The following INPP5D variants were observed in gnomAD, a reference collection of about 807,000 sequenced individuals.
The protein encoded by INPP5D is phosphatidylinositol 3,4,5-trisphosphate 5-phosphatase 1.
INPP5D carries 33 observed loss-of-function variants against 122.9 expected under a neutral mutation model. The ratio of observed to expected loss-of-function variants is 0.27; its 90% CI spans 0.20 to 0.36. The LOEUF is 0.36. Ranked by LOEUF, INPP5D falls within the 10% of genes least tolerant of loss-of-function variation. The pLI, the probability that INPP5D is intolerant of heterozygous loss-of-function variation, is 1.00. For synonymous variants in INPP5D, 584 were observed against 576.2 expected (o/e 1.01, Z -0.19); for missense variants, 1,053 against 1,412.7 (o/e 0.75, Z 4.08).
Position 233,170,885 on chromosome 2 carries a change from A to G in INPP5D, c.1901-179A>G, listed in dbSNP as rs1694477440. 7.1e-6 allele frequency among the ~76,000 whole-genome samples: 1 copy of G among 140,290 alleles called. No homozygotes were observed. 92.0% of individuals were successfully genotyped at this position (140,290 alleles called of 152,430 possible). Reference sequence around the variant, plus strand: ...CGCGCCACTGCACTCCAGCCTGGCCAACAAAGACAGACTCCGTCTCAAAAA... The same window carrying G: ...CGCGCCACTGCACTCCAGCCTGGCCGACAAAGACAGACTCCGTCTCAAAAA... On this transcript the variant is annotated intron_variant, in intron 16 of 26. Coordinates refer to ENST00000445964, the MANE Select transcript of INPP5D (RefSeq NM_001017915.3). The surrounding 1 kb of genome is among the most constrained non-coding windows in gnomAD (Gnocchi z 4.5).
chr2:233,129,414 C>T (rs1199912624), intron 4 of INPP5D, among the ~76,000 whole-genome samples: 1 of 152,174 alleles, frequency 6.6e-6, no homozygotes, highest in Non-Finnish European at 1.5e-5. Flanking sequence ...GGAACAAACA[C>T]TCAAGCGTTA....
chr2:233,135,582 T>C lies in INPP5D; in HGVS notation c.666-4260T>C, dbSNP rs1473283892. Among the ~76,000 whole-genome samples, 8 of 151,268 alleles carry C rather than the reference T, an allele frequency of 5.3e-5. No individual in the cohort carries two copies. The East Asian group carries it at 1.5e-3, about 29-fold the overall frequency. ...TACCATAGCTTTAAAATTGTCGACA[T>C]TTAAAATGTTAAATATTTTTAAATA... On this transcript the variant is annotated intron_variant, in intron 5 of 26. Transcript: ENST00000445964.
chr2:233,190,667 A>T (rs1399517398), intron 22 of INPP5D, among the ~76,000 whole-genome samples: 1 of 152,170 alleles, frequency 6.6e-6, no homozygotes, highest in Non-Finnish European at 1.5e-5. Context: ...CTTTTGTACC[A>T]TCTCTGCCTG....
At chr2:233,174,791 CAAAA>C (rs34082998) in intron 17 of INPP5D, among the ~76,000 whole-genome samples, 9 of 96,844 alleles carry the variant, frequency 9.3e-5, no homozygotes, top group African/African-American at 1.7e-4. Flanking sequence ...GACCCTGTCT[CAAAA>C]AAAAAAAAAA....
At chr2:233,083,950 A>T (rs1225503468) in intron 2 of INPP5D, among the ~76,000 whole-genome samples, 1 of 152,148 alleles carries the variant, frequency 6.6e-6, no homozygotes, top group Non-Finnish European at 1.5e-5. Context: ...CCCCTATCAC[A>T]TCAATGTTCT....
chr2:233,068,841 G>C (rs1691301794), intron 1 of INPP5D, among the ~76,000 whole-genome samples: 1 of 152,202 alleles, frequency 6.6e-6, no homozygotes, highest in Non-Finnish European at 1.5e-5. Flanking sequence ...TGATGCCCCT[G>C]TGACGGAGGC....
rs1442549854 is a variant in INPP5D, at chr2:233,197,592, A to G, written c.2694-503A>G. ...ACCCCTCTCACCTGGAGGCCTTTGC[A>G]TGTACTCTTGCCACTGCCGAGAACA... On this transcript the variant is annotated intron_variant, in intron 24 of 26. Transcript: ENST00000445964. The surrounding 1 kb of genome is among the most constrained non-coding windows in gnomAD (Gnocchi z 4.4). 2.0e-5 allele frequency among the ~76,000 whole-genome samples: 3 copies of G among 152,018 alleles called. No homozygotes were observed. Among genetic ancestry groups the G allele is most frequent in the Admixed American group, 6.5e-5 (1 of 15,268 alleles).
intron 2 of INPP5D, among the ~76,000 whole-genome samples, chr2:233,086,120 T>TC (rs1553569182): frequency 5.1e-5 from 1 of 19,646 alleles, no homozygotes; most frequent in Admixed American, 6.0e-4. Context: ...TAAGATAGCC[T>TC]CTTTCTTTCT....
chr2:233,100,582 G>A lies in INPP5D; in HGVS notation c.198+21184G>A, dbSNP rs1191136829. On this transcript the variant is annotated intron_variant, in intron 2 of 26. Coordinates refer to ENST00000445964, the MANE Select transcript of INPP5D (RefSeq NM_001017915.3). The surrounding 1 kb of genome is among the most constrained non-coding windows in gnomAD (Gnocchi z 5.3). ...TCTCAGCATCCCCCATGGACTCATG[G>A]GCACCCCCGGTTGAGCTCGCTCACC... 6.6e-6 allele frequency among the ~76,000 whole-genome samples: 1 copy of A among 152,142 alleles called. No homozygotes were observed.
chr2:233,075,615 GTGTA>G (rs1212303872), intron 1 of INPP5D, among the ~76,000 whole-genome samples: 1 of 152,156 alleles, frequency 6.6e-6, no homozygotes, highest in Admixed American at 6.5e-5. Context: ...GTGTGTGTGT[GTGTA>G]TATAGGACCA....
intron 2 of INPP5D, among the ~76,000 whole-genome samples, chr2:233,121,258 A>G (rs1692966653): frequency 6.6e-6 from 1 of 150,660 alleles, no homozygotes; most frequent in Non-Finnish European, 1.5e-5. Flanking sequence ...CGCCCTCCCA[A>G]GTAGCTGAAA....
At chr2:233,203,937 A>C (rs1268273721) in intron 25 of INPP5D, among the ~76,000 whole-genome samples, 189 bp from the exon 26 acceptor site, 1 of 152,152 alleles carries the variant, frequency 6.6e-6, no homozygotes, top group African/African-American at 2.4e-5. Flanking sequence ...ACAGAGCGAG[A>C]CTCTGTCTCT....
Position 233,164,021 on chromosome 2 carries a change from A to T in INPP5D, c.1437+118A>T. ...GCTCTCAGTTTTCAAGGATGTCTGG[A>T]GGCCCCCACTGAGAGATGCGTCTGT... On this transcript the variant is annotated intron_variant, in intron 12 of 26. Coordinates refer to ENST00000445964, the MANE Select transcript of INPP5D (RefSeq NM_001017915.3). The surrounding 1 kb of genome is among the most constrained non-coding windows in gnomAD (Gnocchi z 4.3). The T allele has an allele frequency of 5.5e-6, 8 of 1,457,538 alleles. No individual in the cohort carries two copies. Among genetic ancestry groups the T allele is most frequent in the Non-Finnish European group, 7.2e-6 (8 of 1,104,148 alleles). 90.3% of individuals were successfully genotyped at this position (1,457,538 alleles called of 1,614,324 possible).
rs373310489 is a variant in INPP5D at position 233,171,131 on chromosome 2, C to T, written c.1968C>T (p.Tyr656=). ...GACTGACTCGGGACAAATACGCCTA[C>T]ACCAAGCAGAAAGCGACAGGGGTGA... The part of the protein sequence containing the change: ...FERLTRDKYA[Y]TKQKATGMKY... Residue 656 remains tyrosine (Y), a synonymous_variant, in exon 17 of 27, where the codon TAC becomes TAT. Coordinates refer to ENST00000445964, the MANE Select transcript of INPP5D (RefSeq NM_001017915.3). The T allele has an allele frequency of 3.5e-5, 57 of 1,613,690 alleles. No individual in the cohort carries two copies. The African/African-American group carries it at 6.9e-4, about 20-fold the overall frequency.
intron 17 of INPP5D, among the ~76,000 whole-genome samples, chr2:233,175,917 G>T (rs1002953223): frequency 4.6e-5 from 7 of 152,036 alleles, no homozygotes; most frequent in Non-Finnish European, 2.9e-5. Context: ...CCCGACCTCA[G>T]GTGATCCACC....
intron 2 of INPP5D, among the ~76,000 whole-genome samples, chr2:233,096,289 G>A (rs1464330198): frequency 6.6e-6 from 1 of 152,170 alleles, no homozygotes. Flanking sequence ...ACCAGTGCCT[G>A]TAATTTTCAG....
chr2:233,199,954 C>CT (rs1273479175), intron 25 of INPP5D, among the ~76,000 whole-genome samples: 1 of 152,208 alleles, frequency 6.6e-6, no homozygotes, highest in Non-Finnish European at 1.5e-5. Flanking sequence ...CAGTTCCCCT[C>CT]TTTTTTCTCG....
intron 2 of INPP5D, among the ~76,000 whole-genome samples, chr2:233,094,519 A>C (rs1390130901): frequency 1.9e-4 from 28 of 148,394 alleles, no homozygotes; most frequent in African/African-American, 5.2e-4. Context: ...TCCCAAAAAA[A>C]AAAAAAAAAA....
intron 18 of INPP5D, among the ~76,000 whole-genome samples, chr2:233,179,514 A>G (rs559485428): frequency 3.3e-5 from 5 of 152,242 alleles, no homozygotes; most frequent in Admixed American, 6.5e-5. Context: ...GAGGGAGATC[A>G]GTCCGGAAGT....
Sources: gnomAD v4.1 joint callset for allele counts (sites outside exome capture counted in the v4.1 genomes callset) on GRCh38, gnomAD v4.1.1 for gene constraint, Gnocchi (gnomAD v3.1) non-coding constraint, MANE v1.5 for transcripts, NCBI Gene and HGNC (gene_info 2026-07-23, HGNC 2026-07-21) for gene names.